The following RPL26L1 variants were observed in gnomAD, a reference collection of about 807,000 sequenced individuals.
The protein encoded by RPL26L1 is ribosomal protein L26 like 1.
RPL26L1 carries 8 observed loss-of-function variants against 15.2 expected under a neutral mutation model. The observed-to-expected ratio is 0.53, with a 90% CI of 0.31 to 0.95. RPL26L1 has a LOEUF of 0.95. RPL26L1 is among the 40% of genes least tolerant of loss of function. The probability of loss-of-function intolerance (pLI) is 0.05; values close to 1 mark genes in which losing one functional copy is unlikely to be tolerated. For missense variants in RPL26L1, 146 were observed against 190.9 expected, an observed-to-expected ratio of 0.76 and a Z score of 1.39; for synonymous variants, 51 against 65.9, an observed-to-expected ratio of 0.77 and a Z score of 1.09.
chr5:172,968,473 C>T lies in RPL26L1; in HGVS notation c.183C>T (p.His61=). Reference sequence around the variant, plus strand: ...TTTTCTCTTAGGTAGTTCGAGGACACTACAAAGGTCAGCAAATTGGCAAGG... The same window carrying T: ...TTTTCTCTTAGGTAGTTCGAGGACATTACAAAGGTCAGCAAATTGGCAAGG... ...KDDEVQVVRG[H]YKGQQIGKVV... is the part of the protein sequence containing the mutation. The change falls in exon 3 of 4, where the codon CAC becomes CAT. Residue 61 remains histidine (H), a synonymous_variant. Transcript: ENST00000265100. 1 of 1,613,918 alleles carries T rather than the reference C, an allele frequency of 6.2e-7. No homozygotes were observed. The highest frequency in any genetic ancestry group is 8.5e-7 in the Non-Finnish European group (1 of 1,179,938).
At chr5:172,964,167 G>A (rs1343044617) in intron 2 of RPL26L1, among the ~76,000 whole-genome samples, 1 of 151,250 alleles carries the variant, frequency 6.6e-6, no homozygotes, top group Non-Finnish European at 1.5e-5. Context: ...TTAAAAATAG[G>A]TATTGCTTTG....
chr5:172,958,082 T>C (rs908420815), upstream of RPL26L1: 1 of 286,422 alleles, frequency 3.5e-6, no homozygotes, highest in South Asian at 3.0e-5. Flanking sequence ...CTGACCAACA[T>C]GGAGAAACCC....
upstream of RPL26L1, chr5:172,958,495 A>G (rs186629038): frequency 6.8e-4 from 309 of 454,848 alleles, 3 homozygotes; most frequent in Non-Finnish European, 1.0e-3. Context: ...GTTGGAGTTA[A>G]TAACACCTTG....
At chr5:172,958,166 A>C (rs1755044957), upstream of RPL26L1, 4 of 349,264 alleles carry the variant, frequency 1.1e-5, no homozygotes, top group South Asian at 8.7e-5. Context: ...GGGGAGGCTG[A>C]GGCAGGAGAA....
At chr5:172,964,281 C>CTTT (rs1204432096) in intron 2 of RPL26L1, among the ~76,000 whole-genome samples, 3 of 99,238 alleles carry the variant, frequency 3.0e-5, no homozygotes, top group African/African-American at 7.2e-5. Context: ...GGCCTGTTGC[C>CTTT]TTTTTTTTTT....
upstream of RPL26L1, chr5:172,958,010 A>G (rs1755032883): frequency 1.2e-5 from 3 of 240,906 alleles, no homozygotes; most frequent in South Asian, 1.4e-4. Flanking sequence ...CACGCCTGTA[A>G]TCCCAGTACT....
intron 2 of RPL26L1, among the ~76,000 whole-genome samples, chr5:172,965,539 G>A (rs1755419968): frequency 6.6e-6 from 1 of 152,102 alleles, no homozygotes; most frequent in African/African-American, 2.4e-5. Context: ...CCAGCACTCA[G>A]TGAAGGCATT....
At position 172,959,863 on chromosome 5, in the gene RPL26L1, A is replaced by G; in HGVS notation, c.-9-2A>G. 6.2e-7 allele frequency: 1 copy of G among 1,613,974 alleles called. No individual in the cohort carries two copies. Among genetic ancestry groups the G allele is most frequent in the Non-Finnish European group, 8.5e-7 (1 of 1,179,914 alleles). On this transcript the variant is annotated splice_acceptor_variant, in intron 1 of 3. Coordinates refer to ENST00000265100, the MANE Select transcript of RPL26L1 (RefSeq NM_016093.4). LOFTEE classifies it low-confidence loss of function (5UTR_SPLICE). ...CATTCCGTCTCTCTCCGCCCTTTGT[A>G]GAGGGTCACCATGAAGTTCAATCCC...
upstream of RPL26L1, chr5:172,959,083 G>A (rs908060440): frequency 1.2e-4 from 19 of 152,382 alleles, no homozygotes; most frequent in African/African-American, 4.1e-4. Flanking sequence ...TTAGCCGGGC[G>A]TGGTGGGGGG....
At chr5:172,960,151 C>G in intron 2 of RPL26L1, 110 bp downstream of exon 2, 1 of 1,304,824 alleles carries the variant, frequency 7.7e-7, no homozygotes, top group Non-Finnish European at 1.1e-6. Flanking sequence ...TAGTGTGACC[C>G]TTCAGATGTG....
intron 2 of RPL26L1, among the ~76,000 whole-genome samples, chr5:172,963,345 G>A (rs1280117500): frequency 6.7e-6 from 1 of 149,598 alleles, no homozygotes; most frequent in Non-Finnish European, 1.5e-5. Flanking sequence ...CTGCACTCCA[G>A]CCTGGGCAAC....
chr5:172,967,350 A>G lies in RPL26L1; in HGVS notation c.169-1109A>G, dbSNP rs556404723. ...CCTGCTGGTGCGTGCCTATAATCCC[A>G]GCTACTTGGGAGGCTGAGGCAGGAG... is the stretch of plus-strand genomic sequence containing the variant. On this transcript the variant is annotated intron_variant, in intron 2 of 3. Coordinates refer to ENST00000265100, the MANE Select transcript of RPL26L1 (RefSeq NM_016093.4). Among the ~76,000 whole-genome samples, 20 of 152,180 alleles carry G rather than the reference A, an allele frequency of 1.3e-4. No individual in the cohort carries two copies. In the South Asian group the frequency reaches 3.3e-3, roughly 25 times the overall value.
At chr5:172,969,209 T>A (rs1367200206) in intron 3 of RPL26L1, among the ~76,000 whole-genome samples, 1 of 152,194 alleles carries the variant, frequency 6.6e-6, no homozygotes, top group East Asian at 1.9e-4. Context: ...TATATCTTCC[T>A]GTAGCCCTCA....
chr5:172,967,869 A>C (rs974646956), intron 2 of RPL26L1, among the ~76,000 whole-genome samples: 2 of 151,702 alleles, frequency 1.3e-5, no homozygotes, highest in Admixed American at 6.6e-5. Context: ...ACATATGTGT[A>C]TGTATATGAT....
chr5:172,960,601 CAGG>C (rs34586089), intron 2 of RPL26L1, among the ~76,000 whole-genome samples: 97,964 of 151,552 alleles, frequency 0.65, 35,712 homozygotes, highest in Non-Finnish European at 0.81. Context: ...TTGGATTTGG[CAGG>C]AGAACTGGTA....
At chr5:172,966,128 T>G (rs1041962318) in intron 2 of RPL26L1, among the ~76,000 whole-genome samples, 3 of 151,790 alleles carry the variant, frequency 2.0e-5, no homozygotes, top group African/African-American at 7.3e-5. Flanking sequence ...TTTTTAAAAA[T>G]TTTTTAAATT....
intron 2 of RPL26L1, among the ~76,000 whole-genome samples, chr5:172,967,143 C>G (rs1032692581): frequency 6.6e-6 from 1 of 150,744 alleles, no homozygotes; most frequent in Admixed American, 6.6e-5. Context: ...TGTGAACCAC[C>G]GTGCCCGGCC....
At chr5:172,955,734 G>A (rs753651948), upstream of RPL26L1, 1 of 152,218 alleles carries the variant, frequency 6.6e-6, no homozygotes, top group Non-Finnish European at 1.5e-5. Context: ...TTCTCTGCAT[G>A]CCAGGCAAGA....
upstream of RPL26L1, chr5:172,956,985 C>T (rs1026100752): frequency 5.2e-5 from 18 of 345,140 alleles, no homozygotes; most frequent in East Asian, 1.3e-3. Flanking sequence ...TAAGTACTAT[C>T]ATTATTCCCA....
Sources: allele counts gnomAD v4.1 joint callset (sites outside exome capture counted in the v4.1 genomes callset), GRCh38; gene constraint gnomAD v4.1.1; transcripts MANE v1.5; gene names NCBI Gene and HGNC (gene_info 2026-07-23, HGNC 2026-07-21).